GPN3: variants seen among roughly 807,000 people sequenced by gnomAD.
GPN3 encodes GPN-loop GTPase 3.
Under a neutral mutation model 38.7 loss-of-function variants are expected in GPN3, and 31 were observed. The observed-to-expected ratio is 0.80, with a 90% CI of 0.60 to 1.08. The LOEUF (loss-of-function observed/expected upper bound fraction) is 1.08, where lower values mean the gene tolerates loss of function less well. GPN3 is among the 50% of genes least tolerant of loss of function. GPN3 has a pLI of 0.00. For missense variants in GPN3, 301 were observed against 354.4 expected (o/e 0.85, Z 1.21); for synonymous variants, 116 against 120.2 (o/e 0.96, Z 0.23).
Position 110,457,460 on chromosome 12 carries a change from A to C in GPN3, c.450+50T>G, listed in dbSNP as rs1011551909. The stretch of plus-strand genomic sequence containing the variant: ...GAGTAAGACTCTGTCACACACACAA[A>C]AAAAAAAAAAAAAAAAAAAAAAAAA... On this transcript the variant is annotated intron_variant, in intron 4 of 7. Coordinates refer to ENST00000228827, the MANE Select transcript of GPN3 (RefSeq NM_016301.4). 1,630 of 580,458 alleles carry C rather than the reference A, an allele frequency of 2.8e-3. 1 individual carries two copies. Among genetic ancestry groups the C allele is most frequent in the South Asian group, 8.4e-3 (124 of 14,768 alleles). The allele number at this position is 580,458 out of a possible 1,614,324, so 36.0% of individuals were successfully genotyped here.
intron 1 of GPN3, among the ~76,000 whole-genome samples, chr12:110,466,598 C>T (rs2062629496): frequency 6.6e-6 from 1 of 151,356 alleles, no homozygotes; most frequent in Non-Finnish European, 1.5e-5. Context: ...CAGGCTCAAG[C>T]GATTCTCCAG....
At chr12:110,456,691 CTTTTTT>C (rs61183219) in intron 4 of GPN3, among the ~76,000 whole-genome samples, 1 of 141,342 alleles carries the variant, frequency 7.1e-6, no homozygotes, top group African/African-American at 2.6e-5. Flanking sequence ...ACTACTTCCT[CTTTTTT>C]TTTTTTTTTG....
intron 4 of GPN3, among the ~76,000 whole-genome samples, chr12:110,456,626 A>T (rs1409335132): frequency 6.6e-6 from 1 of 151,984 alleles, no homozygotes; most frequent in Non-Finnish European, 1.5e-5. Context: ...GTCCTCAGAA[A>T]ATTAAAAATA....
chr12:110,455,184 C>A (rs1036614606), intron 6 of GPN3, among the ~76,000 whole-genome samples: 11 of 151,980 alleles, frequency 7.2e-5, no homozygotes, highest in African/African-American at 2.4e-4. Context: ...ACTGCAGTGG[C>A]ATGATCTCAA....
chr12:110,462,393 T>C (rs955484574), intron 2 of GPN3, among the ~76,000 whole-genome samples: 2 of 152,114 alleles, frequency 1.3e-5, no homozygotes, highest in Non-Finnish European at 2.9e-5. Flanking sequence ...AATTATATCA[T>C]ACACTGAACA....
chr12:110,459,510 G>A, intron 3 of GPN3, among the ~76,000 whole-genome samples, 185 bp downstream of exon 3: 1 of 152,178 alleles, frequency 6.6e-6, no homozygotes, highest in East Asian at 1.9e-4. Flanking sequence ...AAAGTGATGG[G>A]ATTACAGGCG....
chr12:110,455,706 G>T (rs1443110519), intron 5 of GPN3, 24 bp from the exon 6 acceptor site: 2 of 1,054,830 alleles, frequency 1.9e-6, no homozygotes, highest in African/African-American at 3.1e-5. Flanking sequence ...AAAGACTGAT[G>T]AATTCAGGAG....
rs2062546775 is a variant in GPN3 at position 110,455,947 on chromosome 12, A to G, written c.451-17T>C. 1 of 1,296,874 alleles carries G rather than the reference A, an allele frequency of 7.7e-7. No homozygotes were observed. Among genetic ancestry groups the G allele is most frequent in the African/African-American group, 1.4e-5 (1 of 69,200 alleles). The allele number at this position is 1,296,874 out of a possible 1,614,324, so 80.3% of individuals were successfully genotyped here. On this transcript the variant is annotated splice_polypyrimidine_tract_variant and intron_variant, in intron 4 of 7. Coordinates refer to ENST00000228827, the MANE Select transcript of GPN3 (RefSeq NM_016301.4). ...AGAAATAAACTGAAGGAGGAAACAGAAAAGGGAAGATGAACTGACTGTTGC... is the reference window on the plus strand; with the variant it reads ...AGAAATAAACTGAAGGAGGAAACAGGAAAGGGAAGATGAACTGACTGTTGC...
chr12:110,463,606 C>CAAAAAAAAAAAA (rs60072879), intron 2 of GPN3, among the ~76,000 whole-genome samples: 13 of 64,288 alleles, frequency 2.0e-4, no homozygotes, highest in African/African-American at 3.3e-4. Flanking sequence ...CCTGTCTCTA[C>CAAAAAAAAAAAA]AAAAAAAAAA....
intron 2 of GPN3, chr12:110,460,932 C>T: frequency 1.2e-6 from 1 of 853,740 alleles, no homozygotes; most frequent in Non-Finnish European, 2.0e-6. Context: ...CCACTGCTCT[C>T]AAGCCCAGGC....
At chr12:110,456,688 CCT>C (rs1454015473) in intron 4 of GPN3, among the ~76,000 whole-genome samples, 1 of 147,960 alleles carries the variant, frequency 6.8e-6, no homozygotes, top group Non-Finnish European at 1.5e-5. Context: ...CCCACTACTT[CCT>C]CTTTTTTTTT....
rs1334578330 is a variant in GPN3, at chr12:110,468,162, G to A, written c.42C>T (p.Ser14=). 6.2e-7 allele frequency: 1 copy of A among 1,613,332 alleles called. No individual in the cohort carries two copies. Among genetic ancestry groups the A allele is most frequent in the Admixed American group, 1.7e-5 (1 of 60,010 alleles). ...TGTCCCCGCAGATCCTCACCTTCCC[G>A]CTGCCCGCGGGGCCCATGACCAGCT... ...YAQLVMGPAG[S]GKSTYCATMV... The change falls in exon 1 of 8, where the codon AGC becomes AGT. Residue 14 remains serine, a synonymous_variant. Transcript: ENST00000228827.
Position 110,459,874 on chromosome 12 carries a change from A to T in GPN3, c.158-12T>A. Reference sequence around the variant, plus strand: ...CAGTTCCCGGATGTCTGAAAAGGACAGATAGGGCCCAGAATATATGTGTCC... The same window carrying T: ...CAGTTCCCGGATGTCTGAAAAGGACTGATAGGGCCCAGAATATATGTGTCC... On this transcript the variant is annotated splice_polypyrimidine_tract_variant and intron_variant, in intron 2 of 7. Transcript: ENST00000228827. 1 of 1,610,580 alleles carries T rather than the reference A, an allele frequency of 6.2e-7. No homozygotes were observed. Among genetic ancestry groups the T allele is most frequent in the Non-Finnish European group, 8.5e-7 (1 of 1,176,866 alleles).
chr12:110,466,714 C>T (rs1248850321), intron 1 of GPN3, among the ~76,000 whole-genome samples: 1 of 152,034 alleles, frequency 6.6e-6, no homozygotes, highest in Non-Finnish European at 1.5e-5. Context: ...CAGGCTGACC[C>T]TGAACTCCTG....
intron 2 of GPN3, chr12:110,464,845 G>A (rs2062615841): frequency 5.0e-6 from 2 of 398,314 alleles, no homozygotes; most frequent in African/African-American, 2.0e-5. Context: ...CACCCGCCTC[G>A]GCCTCCCAAA....
At chr12:110,460,160 G>GT (rs1435034134) in intron 2 of GPN3, among the ~76,000 whole-genome samples, 1 of 152,180 alleles carries the variant, frequency 6.6e-6, no homozygotes, top group East Asian at 1.9e-4. Flanking sequence ...GCAGAACTGT[G>GT]TAAGAATGCT....
At chr12:110,468,296 A>ACATTCTT, upstream of GPN3, 1 of 1,593,150 alleles carries the variant, frequency 6.3e-7, no homozygotes, top group Non-Finnish European at 8.5e-7. Context: ...ATCGCAATCC[A>ACATTCTT]CATTCTTTCT....
Position 110,465,206 on chromosome 12 carries a change from G to A in GPN3, c.57C>T (p.Tyr19=). The A allele has an allele frequency of 6.3e-7, 1 of 1,591,630 alleles. No homozygotes were observed. The highest frequency in any genetic ancestry group is 8.6e-7 in the Non-Finnish European group (1 of 1,159,426). ...CACAGTGCTGGACCATGGTGGCACA[G>A]TAGGTGCTCTGTAATGTCACAAGGC... ...MGPAGSGKST[Y]CATMVQHCEA... The change falls in exon 2 of 8, where the codon TAC becomes TAT. Residue 19 remains tyrosine (Y), a synonymous_variant. Coordinates refer to ENST00000228827, the MANE Select transcript of GPN3 (RefSeq NM_016301.4).
intron 1 of GPN3, among the ~76,000 whole-genome samples, chr12:110,467,613 G>C (rs1463274930): frequency 6.6e-6 from 1 of 152,160 alleles, no homozygotes; most frequent in East Asian, 1.9e-4. Context: ...GTTGAGAACT[G>C]AAAGAGAAAT....
Sources: allele counts gnomAD v4.1 joint callset (sites outside exome capture counted in the v4.1 genomes callset), GRCh38; gene constraint gnomAD v4.1.1; transcripts MANE v1.5; gene names NCBI Gene and HGNC (gene_info 2026-07-23, HGNC 2026-07-21).